AMBRA1: variants seen among roughly 807,000 people sequenced by gnomAD.
The protein encoded by AMBRA1 is autophagy and beclin 1 regulator 1.
A neutral mutation model predicts 125.4 loss-of-function variants in AMBRA1; 47 were observed. The ratio of observed to expected loss-of-function variants is 0.37; its 90% CI spans 0.30 to 0.48. AMBRA1 has a LOEUF of 0.48. AMBRA1 is among the 20% of genes least tolerant of loss of function. The pLI is 0.99. For missense variants in AMBRA1, 1,331 were observed against 1,693.4 expected (o/e 0.79, Z 3.76); for synonymous variants, 626 against 655.5 (o/e 0.95, Z 0.69).
intron 15 of AMBRA1, among the ~76,000 whole-genome samples, chr11:46,417,549 A>G (rs1324501740): frequency 6.6e-6 from 1 of 152,234 alleles, no homozygotes; most frequent in Non-Finnish European, 1.5e-5. Context: ...CTCAAACCCA[A>G]GACCACCTGT....
intron 1 of AMBRA1, among the ~76,000 whole-genome samples, chr11:46,575,799 G>T (rs550547398): frequency 1.3e-5 from 2 of 152,298 alleles, no homozygotes; most frequent in South Asian, 4.1e-4. Flanking sequence ...ATAGGCGTGA[G>T]CCTCCGTGCC....
At chr11:46,492,915 G>T (rs958406155) in intron 11 of AMBRA1, among the ~76,000 whole-genome samples, 3 of 152,188 alleles carry the variant, frequency 2.0e-5, no homozygotes, top group African/African-American at 7.2e-5. Context: ...TGGGCGTGGT[G>T]GCGGGCACCT....
chr11:46,428,682 C>A lies in AMBRA1; in HGVS notation c.2976+4792G>T. ...TGAGGTGGCTGACCACGTCCACGACCAAATCCGCCTCTAAACTGGAATTCG... is the reference window on the plus strand; with the variant it reads ...TGAGGTGGCTGACCACGTCCACGACAAAATCCGCCTCTAAACTGGAATTCG... On this transcript the variant is annotated intron_variant, in intron 14 of 17. Coordinates refer to ENST00000683756, the MANE Select transcript of AMBRA1 (RefSeq NM_001387011.1). 2.5e-6 allele frequency: 4 copies of A among 1,601,726 alleles called. 1 individual carries two copies. The South Asian group carries it at 4.4e-5, about 18-fold the overall frequency.
chr11:46,523,416 T>A (rs1336197549), intron 7 of AMBRA1, among the ~76,000 whole-genome samples: 2 of 152,166 alleles, frequency 1.3e-5, no homozygotes, highest in South Asian at 2.1e-4. Flanking sequence ...GTAGAGAAAC[T>A]GCAATTTCCA....
At chr11:46,572,117 A>G (rs1483294503) in intron 1 of AMBRA1, among the ~76,000 whole-genome samples, 3 of 152,148 alleles carry the variant, frequency 2.0e-5, no homozygotes, top group Admixed American at 6.5e-5. Flanking sequence ...CCTGGCCAAC[A>G]TGATGAAATG....
At chr11:46,506,389 G>A (rs143591025) in intron 9 of AMBRA1, among the ~76,000 whole-genome samples, 1 of 152,340 alleles carries the variant, frequency 6.6e-6, no homozygotes, top group East Asian at 1.9e-4. Context: ...GCTTCTAAGA[G>A]CACAAATGCT....
Position 46,557,300 on chromosome 11 carries a change from C to CA in AMBRA1, c.-120-8801dup, listed in dbSNP as rs540969219. ...TGGGGGAGAGAGTGAGACTCCATCT[C>CA]AAAAAAAAAAAAAAAAAGAAAGAAA... is the stretch of plus-strand genomic sequence containing the variant. On this transcript the variant is annotated intron_variant, in intron 1 of 17. Coordinates refer to ENST00000683756, the MANE Select transcript of AMBRA1 (RefSeq NM_001387011.1). Among the ~76,000 whole-genome samples the CA allele has an allele frequency of 7.8e-3, 377 of 48,604 alleles. 1 individual carries two copies. The highest frequency in any genetic ancestry group is 0.015 in the South Asian group (24 of 1,612). The allele number at this position is 48,604 out of a possible 152,430, so 31.9% of individuals were successfully genotyped here.
intron 17 of AMBRA1, among the ~76,000 whole-genome samples, chr11:46,399,192 A>G (rs1355121311): frequency 1.3e-5 from 2 of 151,950 alleles, no homozygotes; most frequent in Non-Finnish European, 2.9e-5. Flanking sequence ...CTTCCGCCTC[A>G]GCCTCCGAGT....
chr11:46,585,686 AAAAAAAAAAATATATAT>A (rs2044352783), intron 1 of AMBRA1, among the ~76,000 whole-genome samples: 1 of 64,286 alleles, frequency 1.6e-5, no homozygotes, highest in Non-Finnish European at 3.3e-5. Context: ...AAAAAAAAAA[AAAAAAAAAAATATATAT>A]ATATATATAT....
chr11:46,568,315 G>C (rs190988471), intron 1 of AMBRA1, among the ~76,000 whole-genome samples: 1 of 151,884 alleles, frequency 6.6e-6, no homozygotes, highest in African/African-American at 2.4e-5. Context: ...AAAATTAGCC[G>C]GGAGTGGTGG....
At chr11:46,465,067 A>T (rs915991118) in intron 11 of AMBRA1, among the ~76,000 whole-genome samples, 1 of 152,100 alleles carries the variant, frequency 6.6e-6, no homozygotes, top group African/African-American at 2.4e-5. Flanking sequence ...AAAAATAAAA[A>T]AAAATAAACA....
At chr11:46,447,019 AAATT>A (rs1242044614) in intron 11 of AMBRA1, among the ~76,000 whole-genome samples, 1 of 152,206 alleles carries the variant, frequency 6.6e-6, no homozygotes, top group Admixed American at 6.5e-5. Flanking sequence ...GACTTTGTAT[AAATT>A]AATCTCTCTG....
intron 5 of AMBRA1, 97 bp from the exon 6 acceptor site, chr11:46,544,138 A>G (rs1952885838): frequency 1.1e-6 from 1 of 919,152 alleles, no homozygotes; most frequent in South Asian, 1.5e-5. Context: ...ATCATTACTG[A>G]TAACTGGTAT....
chr11:46,579,210 C>A (rs1218678835), intron 1 of AMBRA1, among the ~76,000 whole-genome samples: 2 of 152,270 alleles, frequency 1.3e-5, no homozygotes, highest in East Asian at 3.9e-4. Flanking sequence ...GTAATCCCAG[C>A]ACTTTGGGAG....
At chr11:46,574,571 T>C (rs966343576) in intron 1 of AMBRA1, among the ~76,000 whole-genome samples, 5 of 152,114 alleles carry the variant, frequency 3.3e-5, no homozygotes, top group Admixed American at 6.6e-5. Context: ...TATTAGCCCT[T>C]TGTCAGATGA....
chr11:46,527,506 G>GAAAAAAAAAAAAAAAA (rs79261622), intron 7 of AMBRA1, among the ~76,000 whole-genome samples: 2 of 95,504 alleles, frequency 2.1e-5, no homozygotes, highest in Admixed American at 9.7e-5. Context: ...AAAAAAAAAG[G>GAAAAAAAAAAAAAAAA]CAACCTATGG....
intron 9 of AMBRA1, among the ~76,000 whole-genome samples, chr11:46,505,552 G>A (rs918709983): frequency 6.6e-6 from 1 of 151,818 alleles, no homozygotes; most frequent in East Asian, 1.9e-4. Flanking sequence ...AGGAGTATGA[G>A]AGAAATCAGT....
At chr11:46,499,175 TTA>T (rs2134999334) in intron 9 of AMBRA1, among the ~76,000 whole-genome samples, 2 of 152,338 alleles carry the variant, frequency 1.3e-5, no homozygotes, top group South Asian at 4.1e-4. Flanking sequence ...CTCTCCTCCC[TTA>T]TGTTACCTTT....
At chr11:46,410,869 G>C (rs187640975) in intron 15 of AMBRA1, among the ~76,000 whole-genome samples, 1 of 152,270 alleles carries the variant, frequency 6.6e-6, no homozygotes, top group Admixed American at 6.5e-5. Flanking sequence ...TTGGGAGGCC[G>C]AGGCGGGCAG....
Sources: gnomAD v4.1 joint callset for allele counts (sites outside exome capture counted in the v4.1 genomes callset) on GRCh38, gnomAD v4.1.1 for gene constraint, MANE v1.5 for transcripts, NCBI Gene and HGNC (gene_info 2026-07-23, HGNC 2026-07-21) for gene names.